The following PPA2 variants were observed in gnomAD, a reference collection of about 807,000 sequenced individuals.
The protein encoded by PPA2 is inorganic pyrophosphatase 2, mitochondrial.
A neutral mutation model predicts 49.5 loss-of-function variants in PPA2; 48 were observed. That is an observed-to-expected ratio of 0.97 (90% CI 0.77 to 1.23). PPA2 has a LOEUF of 1.23. Ranked by LOEUF, PPA2 falls within the 50% of genes most tolerant of loss-of-function variation. The pLI is 0.00. For missense variants in PPA2, 429 were observed against 410.1 expected, an observed-to-expected ratio of 1.05 and a Z score of -0.40; for synonymous variants, 131 against 139.9, an observed-to-expected ratio of 0.94 and a Z score of 0.45.
intron 1 of PPA2, 148 bp downstream of exon 1, chr4:105,473,746 A>G: frequency 8.6e-7 from 1 of 1,168,152 alleles, no homozygotes; most frequent in Non-Finnish European, 1.3e-6. Flanking sequence ...TCCCGCGGGA[A>G]GTAAGGTGGC....
chr4:105,395,895 T>C (rs536116316), intron 9 of PPA2, among the ~76,000 whole-genome samples: 2 of 152,316 alleles, frequency 1.3e-5, no homozygotes, highest in South Asian at 4.1e-4. Context: ...TTAGTGATCA[T>C]GATGAATAAG....
At chr4:105,441,926 G>T (rs1021994473) in intron 5 of PPA2, among the ~76,000 whole-genome samples, 1 of 151,888 alleles carries the variant, frequency 6.6e-6, no homozygotes, top group African/African-American at 2.4e-5. Context: ...TATACAGGTG[G>T]TTCTTAAGAA....
At chr4:105,384,832 T>G (rs1375641656) in intron 10 of PPA2, among the ~76,000 whole-genome samples, 3 of 152,158 alleles carry the variant, frequency 2.0e-5, no homozygotes, top group Non-Finnish European at 4.4e-5. Flanking sequence ...TTGCTGAAAA[T>G]ATTTTAATGG....
At chr4:105,390,369 C>T (rs1360734735) in intron 9 of PPA2, among the ~76,000 whole-genome samples, 1 of 152,006 alleles carries the variant, frequency 6.6e-6, no homozygotes, top group African/African-American at 2.4e-5. Flanking sequence ...TCAGAGTGAA[C>T]AGACAACCTA....
rs543592590 is a variant in PPA2 at position 105,428,170 on chromosome 4, C to T, written c.529-3848G>A. On this transcript the variant is annotated intron_variant, in intron 6 of 11. Transcript: ENST00000341695. ...ATGCTGAGAGATTTTGTCACCACGACGCCTGCTTTACAAGAGCTCCTGAAG... is the reference window on the plus strand; with the variant it reads ...ATGCTGAGAGATTTTGTCACCACGATGCCTGCTTTACAAGAGCTCCTGAAG... Among the ~76,000 whole-genome samples the T allele has an allele frequency of 6.6e-4, 101 of 152,186 alleles. No homozygotes were observed. The South Asian group carries it at 7.5e-3, about 11-fold the overall frequency.
intron 1 of PPA2, chr4:105,473,670 T>G (rs765743189): frequency 1.8e-4 from 142 of 795,962 alleles, no homozygotes; most frequent in Non-Finnish European, 2.9e-4. Context: ...CCTGCGCCTC[T>G]GCTCTCCGCT....
intron 10 of PPA2, among the ~76,000 whole-genome samples, chr4:105,374,761 T>C (rs1220438711): frequency 6.6e-6 from 1 of 152,084 alleles, no homozygotes; most frequent in African/African-American, 2.4e-5. Context: ...AGTTCAAAAT[T>C]AAAGGGAAAA....
intron 1 of PPA2, among the ~76,000 whole-genome samples, chr4:105,462,638 TA>T (rs1723140377): frequency 6.6e-6 from 1 of 152,256 alleles, no homozygotes; most frequent in South Asian, 2.1e-4. Flanking sequence ...CTAATGTTAA[TA>T]CACCTTTTTA....
At chr4:105,424,390 A>G in intron 6 of PPA2, 68 bp from the exon 7 acceptor site, 1 of 1,366,408 alleles carries the variant, frequency 7.3e-7, no homozygotes, top group Non-Finnish European at 9.7e-7. Flanking sequence ...CACAAAATCC[A>G]TATAAAAGAT....
intron 1 of PPA2, among the ~76,000 whole-genome samples, chr4:105,462,713 C>A (rs182899696): frequency 6.6e-6 from 1 of 152,130 alleles, no homozygotes; most frequent in Non-Finnish European, 1.5e-5. Context: ...TGAATTCCCA[C>A]GTGTTGTGGG....
chr4:105,387,291 A>T (rs563193507), intron 9 of PPA2, among the ~76,000 whole-genome samples: 44 of 152,302 alleles, frequency 2.9e-4, no homozygotes, highest in Admixed American at 1.2e-3. Flanking sequence ...GCTGATTTTT[A>T]AAAATTTCAT....
At chr4:105,452,762 A>G (rs1236938103) in intron 3 of PPA2, among the ~76,000 whole-genome samples, 1 of 152,180 alleles carries the variant, frequency 6.6e-6, no homozygotes, top group African/African-American at 2.4e-5. Context: ...AGAGGGATAA[A>G]AGGACACTTG....
chr4:105,401,837 T>A (rs904508679), intron 7 of PPA2, among the ~76,000 whole-genome samples: 3 of 152,222 alleles, frequency 2.0e-5, no homozygotes, highest in Non-Finnish European at 4.4e-5. Context: ...AACATTCTGA[T>A]TAATGTTCAC....
intron 7 of PPA2, among the ~76,000 whole-genome samples, chr4:105,403,539 A>G (rs892719769): frequency 5.3e-5 from 8 of 152,298 alleles, no homozygotes; most frequent in African/African-American, 1.9e-4. Context: ...AAATACATTG[A>G]AAATATTGTA....
chr4:105,414,843 C>A (rs1722933156), intron 7 of PPA2, among the ~76,000 whole-genome samples: 1 of 152,108 alleles, frequency 6.6e-6, no homozygotes, highest in Admixed American at 6.5e-5. Flanking sequence ...GGTACCTGGG[C>A]AAATGGAGGG....
chr4:105,450,090 C>A (rs954883334), intron 3 of PPA2, among the ~76,000 whole-genome samples: 7 of 151,834 alleles, frequency 4.6e-5, no homozygotes, highest in African/African-American at 7.3e-5. Flanking sequence ...CCAAAGGAGA[C>A]CCTAGGTCAA....
At chr4:105,391,344 C>CAAAA (rs11373169) in intron 9 of PPA2, among the ~76,000 whole-genome samples, 39,286 of 101,870 alleles carry the variant, frequency 0.39, 7,482 homozygotes, top group East Asian at 0.62. Flanking sequence ...CTTAAAGTAA[C>CAAAA]AAAAAAAAAA....
At chr4:105,417,454 G>T (rs1200663602) in intron 7 of PPA2, among the ~76,000 whole-genome samples, 1 of 151,958 alleles carries the variant, frequency 6.6e-6, no homozygotes, top group African/African-American at 2.4e-5. Flanking sequence ...CAAAGGCTTT[G>T]AGAGGTTATG....
chr4:105,405,040 G>GCA, intron 7 of PPA2: 1 of 242,104 alleles, frequency 4.1e-6, no homozygotes, highest in African/African-American at 2.3e-5. Flanking sequence ...CCAAGATCCT[G>GCA]CCACTGCACT....
Sources: allele counts gnomAD v4.1 joint callset (sites outside exome capture counted in the v4.1 genomes callset), GRCh38; gene constraint gnomAD v4.1.1; transcripts MANE v1.5; gene names NCBI Gene and HGNC (gene_info 2026-07-23, HGNC 2026-07-21).